RHD: variants seen among roughly 807,000 people sequenced by gnomAD.
RHD encodes the protein Rh blood group D antigen, also known as blood group Rh(D) polypeptide.
In RHD, 16 loss-of-function variants were observed where a neutral mutation model predicts 45.5. The observed-to-expected ratio is 0.35, with a 90% CI of 0.24 to 0.53. RHD has a LOEUF of 0.53. Ranked by LOEUF, RHD falls within the 20% of genes least tolerant of loss-of-function variation. RHD has a pLI of 0.92. For synonymous variants in RHD, 131 were observed against 217.5 expected, an observed-to-expected ratio of 0.60 and a Z score of 3.50; for missense variants, 306 against 532.0, an observed-to-expected ratio of 0.58 and a Z score of 4.18.
intron 2 of RHD, among the ~76,000 whole-genome samples, chr1:25,287,783 A>G (rs1410576167): frequency 7.4e-6 from 1 of 135,106 alleles, no homozygotes; most frequent in Non-Finnish European, 1.8e-5. Context: ...GTGCAGTGGT[A>G]CAATCATAGC....
intron 1 of RHD, among the ~76,000 whole-genome samples, chr1:25,279,988 G>A (rs986260128): frequency 2.3e-5 from 3 of 129,244 alleles, no homozygotes; most frequent in African/African-American, 8.1e-5. Flanking sequence ...GCCCTGAAGC[G>A]GGAGCCCAGA....
chr1:25,303,590 C>T lies in RHD; in HGVS notation c.939+131C>T. The T allele has an allele frequency of 2.1e-6, 2 of 972,396 alleles. 1 individual carries two copies. Among genetic ancestry groups the T allele is most frequent in the Non-Finnish European group, 3.2e-6 (2 of 633,944 alleles). The allele number at this position is 972,396 out of a possible 1,614,324, so 60.2% of individuals were successfully genotyped here. A position where few individuals can be genotyped will look rare whatever the true frequency, so the allele number is the denominator to read the frequency against. On this transcript the variant is annotated intron_variant, in intron 6 of 9. Coordinates refer to ENST00000328664, the MANE Select transcript of RHD (RefSeq NM_016124.6). ...GCGCATTCTCTTATTGGCTTCAACG[C>T]CTAGTGAGGGATCCATCCTGGCTCG...
In RHD at chr1:25,305,609, T is replaced by C. The variant is rs1399033220; in HGVS notation, c.940-987T>C. Among the ~76,000 whole-genome samples, 2 of 125,940 alleles carry C rather than the reference T, an allele frequency of 1.6e-5. 1 individual carries two copies. The highest frequency in any genetic ancestry group is 3.7e-5 in the Non-Finnish European group (2 of 53,890). The allele number at this position is 125,940 out of a possible 152,430, so 82.6% of individuals were successfully genotyped here. A position where few individuals can be genotyped will look rare whatever the true frequency, so the allele number is the denominator to read the frequency against. ...TTGTTGTTGTTGTTGTTGTTGTTGT[T>C]GTTGTTGTTGAGACGGTGTCTCGCT... On this transcript the variant is annotated intron_variant, in intron 6 of 9. Transcript: ENST00000328664.
At chr1:25,299,661 G>T (rs1400838401) in intron 3 of RHD, among the ~76,000 whole-genome samples, 1 of 131,578 alleles carries the variant, frequency 7.6e-6, no homozygotes, top group African/African-American at 2.6e-5. Flanking sequence ...ATCCTGCAGG[G>T]TCGTGGCAAG....
chr1:25,305,310 G>A (rs144310500), intron 6 of RHD, among the ~76,000 whole-genome samples: 2 of 132,216 alleles, frequency 1.5e-5, no homozygotes, highest in African/African-American at 5.2e-5. Flanking sequence ...GAGCATGGTG[G>A]ACCCAGATCC....
intron 2 of RHD, among the ~76,000 whole-genome samples, chr1:25,287,072 G>A (rs1345003928): frequency 4.4e-5 from 6 of 135,084 alleles, no homozygotes; most frequent in Non-Finnish European, 7.0e-5. Context: ...TAGCCTGGGC[G>A]ACAGAGTGAG....
Position 25,289,260 on chromosome 1 carries a change from T to A in RHD, c.336-1381T>A, listed in dbSNP as rs192378438. ...CCCAGGCTGGAGTGCAGTGGTGCAG[T>A]CTCGGCCCACTGAAACCTCTGCCTC... is the stretch of plus-strand genomic sequence containing the variant. On this transcript the variant is annotated intron_variant, in intron 2 of 9. Coordinates refer to ENST00000328664, the MANE Select transcript of RHD (RefSeq NM_016124.6). 4.3e-4 allele frequency among the ~76,000 whole-genome samples: 57 copies of A among 132,518 alleles called. 9 individuals carry two copies. Among genetic ancestry groups the A allele is most frequent in the African/African-American group, 1.3e-3 (51 of 38,882 alleles). 86.9% of individuals were successfully genotyped at this position (132,518 alleles called of 152,430 possible).
chr1:25,290,758 C>A lies in RHD; in HGVS notation c.453C>A (p.Gly151=). 2.2e-6 allele frequency: 3 copies of A among 1,377,252 alleles called. 1 individual carries two copies. The highest frequency in any genetic ancestry group is 3.1e-6 in the Non-Finnish European group (3 of 978,204). 85.3% of individuals were successfully genotyped at this position (1,377,252 alleles called of 1,614,324 possible). Residue 151 remains glycine (G), a synonymous_variant, in exon 3 of 10, where the codon GGC becomes GGA. Coordinates refer to ENST00000328664, the MANE Select transcript of RHD (RefSeq NM_016124.6). ...TGCTGGTGGAGGTGACAGCTTTAGGCAACCTGAGGATGGTCATCAGTAATA... is the reference window on the plus strand; with the variant it reads ...TGCTGGTGGAGGTGACAGCTTTAGGAAACCTGAGGATGGTCATCAGTAATA... The part of the protein sequence containing the change: ...VMVLVEVTAL[G]NLRMVISNIF...
intron 6 of RHD, 118 bp downstream of exon 6, chr1:25,303,577 A>G: frequency 9.3e-7 from 1 of 1,074,694 alleles, no homozygotes; most frequent in South Asian, 1.3e-5. Flanking sequence ...GCATTCTCTT[A>G]TTGGCTTCAA....
At position 25,276,524 on chromosome 1, in the gene RHD, C is replaced by G. The variant is rs1402290234; in HGVS notation, c.148+3829C>G. Among the ~76,000 whole-genome samples the G allele has an allele frequency of 1.2e-4, 7 of 56,920 alleles. 1 individual carries two copies. The highest frequency in any genetic ancestry group is 3.0e-4 in the African/African-American group (4 of 13,336). The allele number at this position is 56,920 out of a possible 152,430, so 37.3% of individuals were successfully genotyped here. ...CCTAGGAAACATAGGGAGACCCCCC[C>G]CCATCTCTAAAAAAAAAAAAAAAAA... On this transcript the variant is annotated intron_variant, in intron 1 of 9. Coordinates refer to ENST00000328664, the MANE Select transcript of RHD (RefSeq NM_016124.6).
rs1644647247 is a variant in RHD, at chr1:25,320,634, G to A, written c.1154-1255G>A. Among the ~76,000 whole-genome samples, 2 of 132,102 alleles carry A rather than the reference G, an allele frequency of 1.5e-5. 1 individual carries two copies. The highest frequency in any genetic ancestry group is 3.6e-5 in the Non-Finnish European group (2 of 55,766). The allele number at this position is 132,102 out of a possible 152,430, so 86.7% of individuals were successfully genotyped here. A position where few individuals can be genotyped will look rare whatever the true frequency, so the allele number is the denominator to read the frequency against. On this transcript the variant is annotated intron_variant, in intron 8 of 9. Coordinates refer to ENST00000328664, the MANE Select transcript of RHD (RefSeq NM_016124.6). ...TAATACACAGATAAATCTATCAGGA[G>A]CATTTCCTTGCTTCCTGTGAAAGGA...
At chr1:25,321,265 C>A (rs114412762) in intron 8 of RHD, among the ~76,000 whole-genome samples, 2,109 of 125,480 alleles carry the variant, frequency 0.017, 324 homozygotes, top group African/African-American at 0.053. Context: ...TTTCGTGGGG[C>A]CCTTTTACTC....
rs182746791 is a variant in RHD, at chr1:25,309,005, C to A, written c.1073+2276C>A. Among the ~76,000 whole-genome samples, 13 of 131,844 alleles carry A rather than the reference C, an allele frequency of 9.9e-5. 3 individuals are homozygous for A. The highest frequency in any genetic ancestry group is 1.9e-4 in the East Asian group (1 of 5,130). 86.5% of individuals were successfully genotyped at this position (131,844 alleles called of 152,430 possible). A position where few individuals can be genotyped will look rare whatever the true frequency, so the allele number is the denominator to read the frequency against. Reference sequence around the variant, plus strand: ...TCTTTATGATGACTGATGCTGCATCCGTATGAGGACATCTCTATGTAATGG... The same window carrying A: ...TCTTTATGATGACTGATGCTGCATCAGTATGAGGACATCTCTATGTAATGG... On this transcript the variant is annotated intron_variant, in intron 7 of 9. Coordinates refer to ENST00000328664, the MANE Select transcript of RHD (RefSeq NM_016124.6).
At chr1:25,289,823 ATTT>A (rs71014347) in intron 2 of RHD, among the ~76,000 whole-genome samples, 2 of 115,858 alleles carry the variant, frequency 1.7e-5, no homozygotes, top group Admixed American at 8.3e-5. Context: ...TCATAAGTAC[ATTT>A]TTTTTTTTTT....
At chr1:25,286,976 C>T (rs1642074030) in intron 2 of RHD, among the ~76,000 whole-genome samples, 1 of 133,610 alleles carries the variant, frequency 7.5e-6, no homozygotes, top group Non-Finnish European at 1.8e-5. Context: ...ACCTGTAATC[C>T]CAGCTACTTG....
rs1466491174 is a variant in RHD, at chr1:25,306,231, C to A, written c.940-365C>A. On this transcript the variant is annotated intron_variant, in intron 6 of 9. Transcript: ENST00000328664. ...TCGTGGGGAGAGACCAGGGATGCTG[C>A]TTAACATCCTACAGTACACAGGGCA... Among the ~76,000 whole-genome samples, 2 of 131,640 alleles carry A rather than the reference C, an allele frequency of 1.5e-5. 1 individual carries two copies. The allele number at this position is 131,640 out of a possible 152,430, so 86.4% of individuals were successfully genotyped here.
chr1:25,300,332 C>T (rs1324560526), intron 3 of RHD, among the ~76,000 whole-genome samples: 4 of 129,394 alleles, frequency 3.1e-5, no homozygotes, highest in South Asian at 4.7e-4. Flanking sequence ...AGCAACATAG[C>T]AAGATTCCAT....
chr1:25,301,003 T>C lies in RHD; in HGVS notation c.544T>C (p.Ser182Pro). Residue 182 changes from serine to proline, a missense_variant, in exon 4 of 10, where the codon TCT becomes CCT. Ser to Pro is a moderately conservative substitution (Grantham distance 74, BLOSUM62 -1). Transcript: ENST00000328664. The stretch of plus-strand genomic sequence containing the variant: ...CGTGTTCGCAGCCTATTTTGGGCTG[T>C]CTGTGGCCTGGTGCCTGCCAAAGCC... ...IYVFAAYFGL[S>P]VAWCLPKPLP... 1.5e-6 allele frequency: 2 copies of C among 1,376,028 alleles called. 1 individual carries two copies. Among genetic ancestry groups the C allele is most frequent in the South Asian group, 2.4e-5 (2 of 84,856 alleles). The allele number at this position is 1,376,028 out of a possible 1,614,324, so 85.2% of individuals were successfully genotyped here.
rs1454613964 is a variant in RHD, at chr1:25,287,017, C to G, written c.335+2258C>G. 2.2e-5 allele frequency among the ~76,000 whole-genome samples: 3 copies of G among 134,778 alleles called. No individual in the cohort carries two copies. In the East Asian group the frequency reaches 5.8e-4, roughly 26 times the overall value. The allele number at this position is 134,778 out of a possible 152,430, so 88.4% of individuals were successfully genotyped here. A position where few individuals can be genotyped will look rare whatever the true frequency, so the allele number is the denominator to read the frequency against. On this transcript the variant is annotated intron_variant, in intron 2 of 9. Coordinates refer to ENST00000328664, the MANE Select transcript of RHD (RefSeq NM_016124.6). Reference sequence around the variant, plus strand: ...CTGAGGCAGGCGAATCACTTGAACCCGGGAGGCGGAGGCTATAGTGAGCCG... The same window carrying G: ...CTGAGGCAGGCGAATCACTTGAACCGGGGAGGCGGAGGCTATAGTGAGCCG...
Sources: gnomAD v4.1 joint callset for allele counts (sites outside exome capture counted in the v4.1 genomes callset) on GRCh38, gnomAD v4.1.1 for gene constraint, MANE v1.5 for transcripts, NCBI Gene and HGNC (gene_info 2026-07-23, HGNC 2026-07-21) for gene names.